MBOAT1: variants seen among roughly 807,000 people sequenced by gnomAD.
MBOAT1 encodes membrane-bound glycerophospholipid O-acyltransferase 1.
In MBOAT1, 67 loss-of-function variants were observed where a neutral mutation model predicts 64.4. The ratio of observed to expected loss-of-function variants is 1.04; its 90% CI spans 0.85 to 1.27. MBOAT1 has a LOEUF of 1.27. Ranked by LOEUF, MBOAT1 falls within the 50% of genes most tolerant of loss-of-function variation. MBOAT1 has a pLI of 0.00. For missense variants in MBOAT1, 563 were observed against 604.6 expected (o/e 0.93, Z 0.72); for synonymous variants, 229 against 218.9 (o/e 1.05, Z -0.41).
At chr6:20,123,776 G>C (rs1179557862) in intron 8 of MBOAT1, among the ~76,000 whole-genome samples, 11 of 152,126 alleles carry the variant, frequency 7.2e-5, no homozygotes, top group Non-Finnish European at 7.4e-5. Flanking sequence ...CCAGATCAAG[G>C]CTGGGCGTGG....
intron 4 of MBOAT1, among the ~76,000 whole-genome samples, chr6:20,140,670 C>T (rs1257341435): frequency 6.6e-6 from 1 of 152,194 alleles, no homozygotes; most frequent in Non-Finnish European, 1.5e-5. Context: ...CCTTCAGCCT[C>T]AGACTGAATC....
At chr6:20,148,228 C>A (rs1253384715) in intron 3 of MBOAT1, among the ~76,000 whole-genome samples, 2 of 152,156 alleles carry the variant, frequency 1.3e-5, no homozygotes, top group African/African-American at 4.8e-5. Context: ...ACCATCCTGG[C>A]CAACATGGTG....
intron 4 of MBOAT1, among the ~76,000 whole-genome samples, chr6:20,136,652 C>A (rs1264790722): frequency 6.6e-6 from 1 of 152,130 alleles, no homozygotes; most frequent in Non-Finnish European, 1.5e-5. Flanking sequence ...GAGGTACAGG[C>A]AAGTAATATT....
chr6:20,143,436 A>G (rs1324630364), intron 4 of MBOAT1, among the ~76,000 whole-genome samples: 2 of 152,228 alleles, frequency 1.3e-5, no homozygotes, highest in East Asian at 1.9e-4. Context: ...GGAACACTCA[A>G]AGGGGTCAGG....
At chr6:20,211,365 A>C (rs1763412655) in intron 1 of MBOAT1, among the ~76,000 whole-genome samples, 1 of 152,194 alleles carries the variant, frequency 6.6e-6, no homozygotes, top group Admixed American at 6.5e-5. Context: ...TTGGGTCACT[A>C]CTAAGTATCC....
Position 20,144,288 on chromosome 6 carries a change from A to C in MBOAT1, c.351T>G (p.Tyr117Ter). 3 of 1,612,204 alleles carry C rather than the reference A, an allele frequency of 1.9e-6. No homozygotes were observed. Among genetic ancestry groups the C allele is most frequent in the Non-Finnish European group, 2.5e-6 (3 of 1,178,888 alleles). Residue 117 changes from tyrosine (Y) to a stop codon, truncating the protein, a stop_gained, in exon 4 of 13, where the codon TAT becomes TAG. Transcript: ENST00000324607. LOFTEE classifies it high-confidence loss of function. ...TTCGGCTGATGTGGCATATTGTAAG[A>C]TATCCCATTGCTACAAAAAAGGAAT... ...HRYSFFVAMG[Y>*]LTICHISRIY...
chr6:20,116,251 G>A (rs1275701548), intron 9 of MBOAT1, among the ~76,000 whole-genome samples: 1 of 152,000 alleles, frequency 6.6e-6, no homozygotes, highest in Non-Finnish European at 1.5e-5. Flanking sequence ...CGAATTGCTT[G>A]AACCCAGGAG....
At chr6:20,158,648 A>AT (rs1219363285) in intron 1 of MBOAT1, among the ~76,000 whole-genome samples, 1 of 152,230 alleles carries the variant, frequency 6.6e-6, no homozygotes, top group Non-Finnish European at 1.5e-5. Context: ...CAACCCACAG[A>AT]TTGGGAGGAA....
chr6:20,124,094 C>A (rs1419005352), intron 8 of MBOAT1, among the ~76,000 whole-genome samples: 3 of 152,056 alleles, frequency 2.0e-5, no homozygotes, highest in Non-Finnish European at 4.4e-5. Context: ...TCCAGAATTT[C>A]CCCTCAACTT....
chr6:20,102,101 C>A lies in MBOAT1; in HGVS notation c.*185G>T, dbSNP rs532074232. On this transcript the variant is annotated 3_prime_UTR_variant, in exon 13 of 13. Coordinates refer to ENST00000324607, the MANE Select transcript of MBOAT1 (RefSeq NM_001080480.3). ...CTGCACTCCAGCCTGGGCGACAGAG[C>A]GAGACTCCGTCTCAAAAAAAAAAAA... 2.9e-5 allele frequency: 10 copies of A among 348,114 alleles called. No homozygotes were observed. The South Asian group carries it at 3.9e-4, about 13-fold the overall frequency. 21.6% of individuals were successfully genotyped at this position (348,114 alleles called of 1,614,324 possible).
chr6:20,179,398 A>T (rs1246500869), intron 1 of MBOAT1, among the ~76,000 whole-genome samples: 1 of 152,112 alleles, frequency 6.6e-6, no homozygotes, highest in East Asian at 1.9e-4. Context: ...ATAAGTGAAA[A>T]CATGCAATAT....
intron 1 of MBOAT1, among the ~76,000 whole-genome samples, chr6:20,170,304 G>A (rs1392181769): frequency 6.6e-6 from 1 of 152,088 alleles, no homozygotes; most frequent in Non-Finnish European, 1.5e-5. Context: ...TAAGCATATA[G>A]CCCAATGCCT....
intron 1 of MBOAT1, among the ~76,000 whole-genome samples, chr6:20,157,753 CATCTT>C (rs1374466911): frequency 6.6e-6 from 1 of 151,726 alleles, no homozygotes. Context: ...AAAAAAAACT[CATCTT>C]AAAGAAAAAA....
In MBOAT1 at chr6:20,101,522, C is replaced by T. The variant is rs1386802316; in HGVS notation, c.*764G>A. Among the ~76,000 whole-genome samples the T allele has an allele frequency of 6.6e-6, 1 of 152,168 alleles. No individual in the cohort carries two copies. The highest frequency in any genetic ancestry group is 1.5e-5 in the Non-Finnish European group (1 of 68,028). On this transcript the variant is annotated 3_prime_UTR_variant, in exon 13 of 13. Coordinates refer to ENST00000324607, the MANE Select transcript of MBOAT1 (RefSeq NM_001080480.3). The stretch of plus-strand genomic sequence containing the variant: ...TCTGCAAACCAGTAATGTCACAAGT[C>T]AAAGGGTCTGGGGCTTCCCAGGGAA...
At chr6:20,205,808 T>C (rs948725704) in intron 1 of MBOAT1, among the ~76,000 whole-genome samples, 2 of 151,972 alleles carry the variant, frequency 1.3e-5, no homozygotes, top group Admixed American at 6.6e-5. Flanking sequence ...ACAGAGGAAC[T>C]TTCCACCACA....
chr6:20,181,447 C>T (rs1279072680), intron 1 of MBOAT1, among the ~76,000 whole-genome samples: 1 of 152,156 alleles, frequency 6.6e-6, no homozygotes, highest in East Asian at 1.9e-4. Flanking sequence ...CTATTTTCTC[C>T]TGCTGGCCTT....
chr6:20,202,778 C>T (rs1259264408), intron 1 of MBOAT1, among the ~76,000 whole-genome samples: 1 of 152,190 alleles, frequency 6.6e-6, no homozygotes, highest in Non-Finnish European at 1.5e-5. Flanking sequence ...ACTCTCTATC[C>T]TTGTGTTTGC....
chr6:20,137,321 A>C (rs1182646714), intron 4 of MBOAT1, among the ~76,000 whole-genome samples: 2 of 152,176 alleles, frequency 1.3e-5, no homozygotes, highest in African/African-American at 4.8e-5. Context: ...CTACCATGGC[A>C]AAAGGAAATA....
chr6:20,113,966 A>G (rs1760248829), intron 10 of MBOAT1, among the ~76,000 whole-genome samples: 1 of 152,176 alleles, frequency 6.6e-6, no homozygotes, highest in Non-Finnish European at 1.5e-5. Context: ...AGGAAGAAAA[A>G]GAATGCAGTT....
Sources: allele counts gnomAD v4.1 joint callset (sites outside exome capture counted in the v4.1 genomes callset), GRCh38; gene constraint gnomAD v4.1.1; transcripts MANE v1.5; gene names NCBI Gene and HGNC (gene_info 2026-07-23, HGNC 2026-07-21).